The following TTYH2 variants were observed in gnomAD, a reference collection of about 807,000 sequenced individuals.
TTYH2 encodes the protein tweety family member 2.
TTYH2 carries 49 observed loss-of-function variants against 68.3 expected under a neutral mutation model. The ratio of observed to expected loss-of-function variants is 0.72; its 90% CI spans 0.57 to 0.91. The LOEUF is 0.91. Among genes scored for constraint, TTYH2 ranks in the 40% least tolerant of loss-of-function variants. TTYH2 has a pLI of 0.00. For synonymous variants in TTYH2, 272 were observed against 300.8 expected, an observed-to-expected ratio of 0.90 and a Z score of 0.99; for missense variants, 631 against 700.4, an observed-to-expected ratio of 0.90 and a Z score of 1.12.
Position 74,237,232 on chromosome 17 carries a change from C to G in TTYH2, c.415-62C>G, listed in dbSNP as rs946762972. 5.1e-6 allele frequency: 8 copies of G among 1,553,552 alleles called. No homozygotes were observed. The African/African-American group carries it at 9.5e-5, about 18-fold the overall frequency. ...GCCACCTTCTGCTGCCTGCAAAGAC[C>G]TCTTCCGGGATGAGAATCAGAAGCT... On this transcript the variant is annotated intron_variant, in intron 3 of 13. Coordinates refer to ENST00000269346, the MANE Select transcript of TTYH2 (RefSeq NM_032646.6).
At position 74,215,517 on chromosome 17, in the gene TTYH2, TG is replaced by T; in HGVS notation, c.129+1804del. 3 of 988,730 alleles carry T rather than the reference TG, an allele frequency of 3.0e-6. No individual in the cohort carries two copies. The highest frequency in any genetic ancestry group is 1.6e-5 in the African/African-American group (1 of 61,814). The allele number at this position is 988,730 out of a possible 1,614,324, so 61.2% of individuals were successfully genotyped here. The stretch of plus-strand genomic sequence containing the variant: ...ATTCTGGCCCCGGCTCACTTTGTGC[TG>T]GGCATCAAATGGTTCCAGAGGGTGT... On this transcript the variant is annotated intron_variant, in intron 1 of 13. Transcript: ENST00000269346. The surrounding 1 kb of genome is among the most constrained non-coding windows in gnomAD (Gnocchi z 4.3).
chr17:74,221,978 G>A (rs546605886), intron 1 of TTYH2, among the ~76,000 whole-genome samples: 6 of 152,194 alleles, frequency 3.9e-5, no homozygotes, highest in South Asian at 2.1e-4. Flanking sequence ...GCATGGAAGA[G>A]GCAACAGATA....
Position 74,253,286 on chromosome 17 carries a change from C to T in TTYH2, c.1445+20C>T, listed in dbSNP as rs773394630. 3 of 1,565,760 alleles carry T rather than the reference C, an allele frequency of 1.9e-6. No individual in the cohort carries two copies. The highest frequency in any genetic ancestry group is 2.6e-6 in the Non-Finnish European group (3 of 1,157,864). ...GTACATGTACGGCCTGCACACACAC[C>T]CAGGCTGGGTAGCACTGCCCGGACA... On this transcript the variant is annotated intron_variant, in intron 12 of 13. Coordinates refer to ENST00000269346, the MANE Select transcript of TTYH2 (RefSeq NM_032646.6).
At position 74,260,366 on chromosome 17, in the gene TTYH2, G is replaced by C. The variant is rs556986294; in HGVS notation, c.*157G>C. On this transcript the variant is annotated 3_prime_UTR_variant, in exon 14 of 14. Coordinates refer to ENST00000269346, the MANE Select transcript of TTYH2 (RefSeq NM_032646.6). ...CTGGGATTCCCGACCAAAGCCCCAG[G>C]GGGTGCAGAAGACTCACCACGCGGG... The C allele has an allele frequency of 2.7e-6, 2 of 732,440 alleles. No homozygotes were observed. The highest frequency in any genetic ancestry group is 1.7e-5 in the African/African-American group (1 of 57,236). The allele number at this position is 732,440 out of a possible 1,614,324, so 45.4% of individuals were successfully genotyped here.
Position 74,249,365 on chromosome 17 carries a change from A to G in TTYH2, c.896A>G (p.Tyr299Cys), listed in dbSNP as rs762320596. The G allele has an allele frequency of 6.2e-7, 1 of 1,614,052 alleles. No individual in the cohort carries two copies. Among genetic ancestry groups the G allele is most frequent in the Non-Finnish European group, 8.5e-7 (1 of 1,180,020 alleles). ...GCAGAGGTGACTCGCTACTACCTGT[A>G]TTGCAGCCAGAGTGGAAGCAGCCCC... ...ISTEVTRYYLYCSQSGSSPFQ... is the reference protein window; with the variant it reads ...ISTEVTRYYLCCSQSGSSPFQ... The change falls in exon 8 of 14, where the codon TAT becomes TGT. Residue 299 changes from tyrosine to cysteine, a missense_variant. By Grantham distance (194) the Tyr-to-Cys change is radical (BLOSUM62 -2). Transcript: ENST00000269346.
rs1192263342 is a variant in TTYH2 at position 74,214,237 on chromosome 17, G to A, written c.129+521G>A. Among the ~76,000 whole-genome samples the A allele has an allele frequency of 1.3e-5, 2 of 152,116 alleles. No individual in the cohort carries two copies. Among genetic ancestry groups the A allele is most frequent in the Non-Finnish European group, 2.9e-5 (2 of 67,996 alleles). ...GCAGCACCCCTCCTCCCCAGCCCCGGCCTGCAGGGTGGGAGTCTCAGCTGG... is the reference window on the plus strand; with the variant it reads ...GCAGCACCCCTCCTCCCCAGCCCCGACCTGCAGGGTGGGAGTCTCAGCTGG... On this transcript the variant is annotated intron_variant, in intron 1 of 13. Transcript: ENST00000269346. This position sits in a 1 kb window ranked among gnomAD's most constrained non-coding sequence, Gnocchi z 4.6.
At chr17:74,230,001 G>A (rs900294519) in intron 2 of TTYH2, among the ~76,000 whole-genome samples, 1 of 152,094 alleles carries the variant, frequency 6.6e-6, no homozygotes, top group African/African-American at 2.4e-5. Context: ...CGTGGTGGCG[G>A]ACACCTGTAA....
At chr17:74,240,459 G>A (rs545804305) in intron 4 of TTYH2, among the ~76,000 whole-genome samples, 1 of 151,534 alleles carries the variant, frequency 6.6e-6, no homozygotes, top group Non-Finnish European at 1.5e-5. Flanking sequence ...AAAAAGCAGA[G>A]GTCTAGTCCA....
At chr17:74,246,339 T>A (rs2050557379) in intron 6 of TTYH2, among the ~76,000 whole-genome samples, 2 of 152,132 alleles carry the variant, frequency 1.3e-5, no homozygotes, top group African/African-American at 4.8e-5. Context: ...TTCCTGAGGT[T>A]TTCTGTGCCT....
At chr17:74,257,104 G>GA (rs1478315034) in intron 13 of TTYH2, 3 of 152,290 alleles carry the variant, frequency 2.0e-5, no homozygotes, top group Non-Finnish European at 4.4e-5. Flanking sequence ...AATCTGCTGT[G>GA]AAAAAAGAAT....
intron 1 of TTYH2, among the ~76,000 whole-genome samples, chr17:74,216,186 A>G (rs759563155): frequency 6.6e-6 from 1 of 152,238 alleles, no homozygotes; most frequent in Non-Finnish European, 1.5e-5. Context: ...GTGTCTCAGG[A>G]CAGTACCCTG....
At chr17:74,221,823 T>C (rs961046316) in intron 1 of TTYH2, among the ~76,000 whole-genome samples, 4 of 152,090 alleles carry the variant, frequency 2.6e-5, no homozygotes, top group African/African-American at 9.7e-5. Flanking sequence ...ACTCCAGAAG[T>C]TGCATATCCT....
rs2050531711 is a variant in TTYH2, at chr17:74,244,132, C to T, written c.804+83C>T. On this transcript the variant is annotated intron_variant, in intron 6 of 13. Coordinates refer to ENST00000269346, the MANE Select transcript of TTYH2 (RefSeq NM_032646.6). ...TGTGTCTCCAAGCAGGGCCAGCTTCCGGTCCCAGCTCCTAACCTAGAATCC... is the reference window on the plus strand; with the variant it reads ...TGTGTCTCCAAGCAGGGCCAGCTTCTGGTCCCAGCTCCTAACCTAGAATCC... 5 of 1,333,576 alleles carry T rather than the reference C, an allele frequency of 3.7e-6. 1 individual carries two copies. The highest frequency in any genetic ancestry group is 4.7e-5 in the East Asian group (2 of 42,814). 82.6% of individuals were successfully genotyped at this position (1,333,576 alleles called of 1,614,324 possible). A position where few individuals can be genotyped will look rare whatever the true frequency, so the allele number is the denominator to read the frequency against.
rs1373902886 is a variant in TTYH2, at chr17:74,244,041, G to A, written c.796G>A (p.Ala266Thr). 1.9e-6 allele frequency: 3 copies of A among 1,611,468 alleles called. No homozygotes were observed. The highest frequency in any genetic ancestry group is 2.2e-5 in the South Asian group (2 of 91,046). ...SWASLAADGS[A>T]AVATSDFCVA... ...GGCATCCCTGGCCGCTGATGGCTCTGCGGCAGTGGTGAGTTGGGGGAGGGA... is the reference window on the plus strand; with the variant it reads ...GGCATCCCTGGCCGCTGATGGCTCTACGGCAGTGGTGAGTTGGGGGAGGGA... Residue 266 changes from alanine (A) to threonine (T), a missense_variant, in exon 6 of 14, where the codon GCG becomes ACG. Transcript: ENST00000269346.
rs905255366 is a variant in TTYH2, at chr17:74,237,194, C to T, written c.415-100C>T. On this transcript the variant is annotated intron_variant, in intron 3 of 13. Transcript: ENST00000269346. ...GGATGACAGGCATGAGCGTAATTAT[C>T]GCACCTGGCCAGGCCACCTTCTGCT... 76 of 1,178,492 alleles carry T rather than the reference C, an allele frequency of 6.4e-5. No individual in the cohort carries two copies. The Admixed American group carries it at 1.2e-3, about 19-fold the overall frequency. The allele number at this position is 1,178,492 out of a possible 1,614,324, so 73.0% of individuals were successfully genotyped here. A position where few individuals can be genotyped will look rare whatever the true frequency, so the allele number is the denominator to read the frequency against.
chr17:74,233,983 C>T (rs1357358604), intron 3 of TTYH2, among the ~76,000 whole-genome samples: 2 of 152,172 alleles, frequency 1.3e-5, no homozygotes, highest in Non-Finnish European at 2.9e-5. Context: ...GAACCCAGGC[C>T]TCCTGGTCTT....
In TTYH2 at chr17:74,213,761, C is replaced by T. The variant is rs1317975387; in HGVS notation, c.129+45C>T. The T allele has an allele frequency of 1.3e-6, 2 of 1,593,242 alleles. No individual in the cohort carries two copies. Among genetic ancestry groups the T allele is most frequent in the Non-Finnish European group, 8.6e-7 (1 of 1,168,918 alleles). On this transcript the variant is annotated intron_variant, in intron 1 of 13. Coordinates refer to ENST00000269346, the MANE Select transcript of TTYH2 (RefSeq NM_032646.6). This position sits in a 1 kb window ranked among gnomAD's most constrained non-coding sequence, Gnocchi z 6.1. ...GACCGCAGCCACGCGCGCCCCAAGT[C>T]CCCGCACTACCCCCTCTCCCCTCGA...
chr17:74,239,576 G>A lies in TTYH2; in HGVS notation c.635+2062G>A, dbSNP rs76237711. On this transcript the variant is annotated intron_variant, in intron 4 of 13. Transcript: ENST00000269346. This position sits in a 1 kb window ranked among gnomAD's most constrained non-coding sequence, Gnocchi z 5.3. The stretch of plus-strand genomic sequence containing the variant: ...GCCTCTCCCCTTCCCAAAAATAGGA[G>A]GTGGCAGGTCCCTGAGCAGAGGGAG... 0.018 allele frequency among the ~76,000 whole-genome samples: 2,726 copies of A among 152,304 alleles called. 87 individuals are homozygous for A. The highest frequency in any genetic ancestry group is 0.061 in the African/African-American group (2,524 of 41,562).
chr17:74,237,542 G>T, intron 4 of TTYH2, 28 bp downstream of exon 4: 1 of 1,575,348 alleles, frequency 6.3e-7, no homozygotes, highest in Non-Finnish European at 8.7e-7. Flanking sequence ...GGCAGAGGGA[G>T]GGGCAGCAGC....
Sources: allele counts gnomAD v4.1 joint callset (sites outside exome capture counted in the v4.1 genomes callset), GRCh38; gene constraint gnomAD v4.1.1; non-coding constraint Gnocchi (gnomAD v3.1); transcripts MANE v1.5; gene names NCBI Gene and HGNC (gene_info 2026-07-23, HGNC 2026-07-21).